Variants in NINJ2 observed in about 807,000 individuals in gnomAD.
The protein encoded by NINJ2 is ninjurin 2, also known as ninjurin-2.
In NINJ2, 12 loss-of-function variants were observed where a neutral mutation model predicts 11.7. That is an observed-to-expected ratio of 1.02 (90% CI 0.66 to 1.66). The LOEUF (loss-of-function observed/expected upper bound fraction) is 1.66. Ranked by LOEUF, NINJ2 falls within the 40% of genes most tolerant of loss-of-function variation. The probability of loss-of-function intolerance (pLI) is 0.00; values close to 1 mark genes in which losing one functional copy is unlikely to be tolerated. For synonymous variants in NINJ2, 93 were observed against 76.8 expected (o/e 1.21, Z -1.10); for missense variants, 187 against 181.8 (o/e 1.03, Z -0.16).
rs1310523023 is a variant in NINJ2 at position 566,025 on chromosome 12, A to T, written c.187T>A (p.Tyr63Asn). The T allele has an allele frequency of 6.2e-7, 1 of 1,614,154 alleles. No homozygotes were observed. The highest frequency in any genetic ancestry group is 8.5e-7 in the Non-Finnish European group (1 of 1,180,004). ...VLEQGPSSHYYTTLVTLISLS... is the reference protein window; with the variant it reads ...VLEQGPSSHYNTTLVTLISLS... ...CTGATGAGGGTGACCAGGGTGGTGTAGTAGTGAGAGGATGGTCCCTGCTCC... is the reference window on the plus strand; with the variant it reads ...CTGATGAGGGTGACCAGGGTGGTGTTGTAGTGAGAGGATGGTCCCTGCTCC... Residue 63 changes from tyrosine to asparagine, a missense_variant, in exon 2 of 4, where the codon TAC becomes AAC. Physicochemically the swap from Tyr to Asn is moderately radical, Grantham distance 143. Transcript: ENST00000305108.
intron 1 of NINJ2, among the ~76,000 whole-genome samples, chr12:656,477 A>G (rs1285413872): frequency 1.3e-5 from 2 of 149,570 alleles, no homozygotes; most frequent in Non-Finnish European, 3.0e-5. Flanking sequence ...GCGGCCAGGC[A>G]TGGTGGCTCA....
chr12:582,568 CGCAG>C (rs1330261586), intron 1 of NINJ2, among the ~76,000 whole-genome samples: 3 of 44,964 alleles, frequency 6.7e-5, no homozygotes, highest in African/African-American at 1.1e-4. Context: ...AATGAATGGA[CGCAG>C]GCAGGCAGGC....
intron 1 of NINJ2, among the ~76,000 whole-genome samples, chr12:575,846 C>T (rs943510002): frequency 5.3e-5 from 8 of 152,136 alleles, no homozygotes; most frequent in African/African-American, 1.9e-4. Context: ...CTCTTAAACA[C>T]CCCCACTGCA....
At chr12:611,784 G>T (rs1037615670) in intron 1 of NINJ2, among the ~76,000 whole-genome samples, 2 of 152,242 alleles carry the variant, frequency 1.3e-5, no homozygotes, top group African/African-American at 4.8e-5. Context: ...TAAATAACCT[G>T]CTAGAAGTCA....
At chr12:629,755 C>T (rs1230512912) in intron 1 of NINJ2, among the ~76,000 whole-genome samples, 6 of 150,290 alleles carry the variant, frequency 4.0e-5, no homozygotes, top group African/African-American at 9.8e-5. Context: ...GGCCTGGTGG[C>T]GCATGCCTGT....
intron 1 of NINJ2, among the ~76,000 whole-genome samples, chr12:601,427 A>G (rs1254825752): frequency 6.6e-6 from 1 of 151,760 alleles, no homozygotes; most frequent in Non-Finnish European, 1.5e-5. Flanking sequence ...GGGCGCCTGT[A>G]GTCCCAGCTA....
At chr12:570,812 C>T (rs80001503) in intron 1 of NINJ2, among the ~76,000 whole-genome samples, 12,256 of 152,282 alleles carry the variant, frequency 0.08, 526 homozygotes, top group Middle Eastern at 0.12. Flanking sequence ...GAGCAGGGGA[C>T]CGGTGGGCTA....
chr12:616,126 G>A lies in NINJ2; in HGVS notation c.33+47202C>T, dbSNP rs563488053. Among the ~76,000 whole-genome samples the A allele has an allele frequency of 3.9e-5, 6 of 152,302 alleles. No individual in the cohort carries two copies. The South Asian group carries it at 1.2e-3, about 32-fold the overall frequency. On this transcript the variant is annotated intron_variant, in intron 1 of 3. Transcript: ENST00000305108. ...GAAACTTCTGAGTATAAAAAAACCA[G>A]GACTGCATTGCCATTTCAACGGGTT...
chr12:604,852 A>C (rs1052556405), intron 1 of NINJ2, among the ~76,000 whole-genome samples: 3 of 152,208 alleles, frequency 2.0e-5, no homozygotes, highest in African/African-American at 4.8e-5. Context: ...GCCTGTTGAC[A>C]GATCCTCCCC....
At chr12:604,270 C>T (rs778697185) in intron 1 of NINJ2, among the ~76,000 whole-genome samples, 39 of 152,182 alleles carry the variant, frequency 2.6e-4, no homozygotes, top group Admixed American at 7.2e-4. Context: ...GTATAAGCTG[C>T]GAGGACAAAA....
chr12:663,177 G>A (rs1946853675), intron 1 of NINJ2, 151 bp downstream of exon 1: 2 of 666,738 alleles, frequency 3.0e-6, no homozygotes, highest in South Asian at 1.9e-5. Flanking sequence ...AGAAAATAAA[G>A]AGACAAAGCC....
intron 1 of NINJ2, among the ~76,000 whole-genome samples, chr12:588,151 G>A (rs1490482576): frequency 5.5e-5 from 8 of 144,944 alleles, no homozygotes; most frequent in Non-Finnish European, 9.0e-5. Context: ...CAAAATGGCG[G>A]AAGGAAGGGA....
chr12:648,689 A>G (rs993347376), intron 1 of NINJ2, among the ~76,000 whole-genome samples: 2 of 152,220 alleles, frequency 1.3e-5, no homozygotes, highest in Non-Finnish European at 2.9e-5. Flanking sequence ...GGACTTCTGC[A>G]CAGGACCTGG....
At chr12:622,409 C>CAAAAAA (rs1169331783) in intron 1 of NINJ2, among the ~76,000 whole-genome samples, 8 of 47,416 alleles carry the variant, frequency 1.7e-4, no homozygotes, top group East Asian at 1.5e-3. Context: ...GACTCCGTCT[C>CAAAAAA]AAAAAAAAAA....
chr12:593,170 C>T (rs1393961391), intron 1 of NINJ2, among the ~76,000 whole-genome samples: 1 of 152,140 alleles, frequency 6.6e-6, no homozygotes, highest in Non-Finnish European at 1.5e-5. Context: ...TTATTAGGTT[C>T]ACTGCAATAC....
At chr12:632,898 G>C (rs905679023) in intron 1 of NINJ2, among the ~76,000 whole-genome samples, 1 of 152,194 alleles carries the variant, frequency 6.6e-6, no homozygotes, top group African/African-American at 2.4e-5. Context: ...AAGCAAGCCG[G>C]GGAGGGTGCC....
At chr12:617,485 C>G (rs995827646) in intron 1 of NINJ2, among the ~76,000 whole-genome samples, 2 of 152,222 alleles carry the variant, frequency 1.3e-5, no homozygotes, top group Non-Finnish European at 2.9e-5. Flanking sequence ...AGGCAAGTGT[C>G]CTGGCTGAAG....
intron 1 of NINJ2, among the ~76,000 whole-genome samples, chr12:593,795 G>T (rs1371528425): frequency 6.6e-6 from 1 of 152,056 alleles, no homozygotes; most frequent in Non-Finnish European, 1.5e-5. Context: ...GGAAGAATAA[G>T]AGGAAGAAAG....
intron 1 of NINJ2, among the ~76,000 whole-genome samples, chr12:592,084 T>C (rs143956480): frequency 3.9e-5 from 6 of 151,932 alleles, no homozygotes; most frequent in East Asian, 3.9e-4. Context: ...AGATGAAAAA[T>C]AGGAACTTTG....
Sources: allele counts gnomAD v4.1 joint callset (sites outside exome capture counted in the v4.1 genomes callset), GRCh38; gene constraint gnomAD v4.1.1; transcripts MANE v1.5; gene names NCBI Gene and HGNC (gene_info 2026-07-23, HGNC 2026-07-21).